Variants in DNAH7 observed in about 807,000 individuals in gnomAD.
The protein encoded by DNAH7 is axonemal beta dynein heavy chain 7.
In DNAH7, 397 loss-of-function variants were observed where a neutral mutation model predicts 444.6. The ratio of observed to expected loss-of-function variants is 0.89; its 90% CI spans 0.82 to 0.97. The LOEUF (loss-of-function observed/expected upper bound fraction) is 0.97, where lower values mean the gene tolerates loss of function less well. Among genes scored for constraint, DNAH7 ranks in the 50% least tolerant of loss-of-function variants. DNAH7 has a pLI of 0.00. For synonymous variants in DNAH7, 1,636 were observed against 1,624.4 expected, an observed-to-expected ratio of 1.01 and a Z score of -0.17; for missense variants, 4,902 against 4,800.8, an observed-to-expected ratio of 1.02 and a Z score of -0.62.
intron 19 of DNAH7, among the ~76,000 whole-genome samples, chr2:195,949,005 T>C (rs1180762757): frequency 6.6e-6 from 1 of 152,154 alleles, no homozygotes; most frequent in Non-Finnish European, 1.5e-5. Flanking sequence ...AAGAGGTCCT[T>C]CACATCCCTT....
intron 21 of DNAH7, among the ~76,000 whole-genome samples, chr2:195,931,945 T>C (rs7576928): frequency 0.16 from 24,259 of 152,178 alleles, 2,378 homozygotes; most frequent in African/African-American, 0.27. Flanking sequence ...AGTAGTTTTT[T>C]CCAATTCTGT....
At chr2:196,012,625 G>A (rs1265951066) in intron 10 of DNAH7, among the ~76,000 whole-genome samples, 162 bp downstream of exon 10, 1 of 151,798 alleles carries the variant, frequency 6.6e-6, no homozygotes, top group Admixed American at 6.6e-5. Flanking sequence ...TAGAACATCT[G>A]GACAAATATT....
rs1199218986 is a variant in DNAH7 at position 195,864,719 on chromosome 2, G to T, written c.6936C>A (p.Asn2312Lys). The change falls in exon 41 of 65, where the codon AAC becomes AAA. Residue 2312 changes from asparagine to lysine, a missense_variant. Coordinates refer to ENST00000312428, the MANE Select transcript of DNAH7 (RefSeq NM_018897.3). The part of the protein sequence containing the change: ...EYNNISKKPM[N>K]LVLFRFAIEH... Reference sequence around the variant, plus strand: ...CTATGGCAAATCGAAACAAGACAAGGTTCATGGGTTTTTTGCTTATATTGT... The same window carrying T: ...CTATGGCAAATCGAAACAAGACAAGTTTCATGGGTTTTTTGCTTATATTGT... 6.2e-7 allele frequency: 1 copy of T among 1,614,152 alleles called. No individual in the cohort carries two copies.
chr2:195,881,525 C>A (rs549805717), intron 36 of DNAH7, among the ~76,000 whole-genome samples: 1 of 152,114 alleles, frequency 6.6e-6, no homozygotes, highest in East Asian at 1.9e-4. Flanking sequence ...ACAAGCAATT[C>A]TTATTAAAAT....
chr2:195,957,454 A>T lies in DNAH7; in HGVS notation c.2892-7T>A. The T allele has an allele frequency of 6.6e-7, 1 of 1,518,658 alleles. No individual in the cohort carries two copies. The highest frequency in any genetic ancestry group is 8.9e-7 in the Non-Finnish European group (1 of 1,121,066). 94.1% of individuals were successfully genotyped at this position (1,518,658 alleles called of 1,614,324 possible). A position where few individuals can be genotyped will look rare whatever the true frequency, so the allele number is the denominator to read the frequency against. On this transcript the variant is annotated splice_region_variant and splice_polypyrimidine_tract_variant and intron_variant, in intron 18 of 64. Transcript: ENST00000312428. ...GAGCTTGCCCTCCCATTCTCTGAGG[A>T]GCAAAACACAGTGGCTCTTACTGAC...
At chr2:195,880,690 T>C (rs1390603360) in intron 36 of DNAH7, among the ~76,000 whole-genome samples, 1 of 152,182 alleles carries the variant, frequency 6.6e-6, no homozygotes, top group Admixed American at 6.5e-5. Flanking sequence ...TTTGAATCAA[T>C]TATCATAAAA....
chr2:195,998,663 T>C (rs566616387), intron 12 of DNAH7: 1 of 153,658 alleles, frequency 6.5e-6, no homozygotes, highest in African/African-American at 2.4e-5. Context: ...ATAAGTTACG[T>C]CAAATCATTC....
chr2:196,019,078 T>G, intron 9 of DNAH7, 92 bp downstream of exon 9: 1 of 1,227,974 alleles, frequency 8.1e-7, no homozygotes, highest in Non-Finnish European at 1.1e-6. Context: ...ATGTTTTACT[T>G]TGCAGTTAAA....
chr2:195,792,394 T>TACACACACACAC (rs59046004), intron 57 of DNAH7, among the ~76,000 whole-genome samples: 95 of 117,330 alleles, frequency 8.1e-4, no homozygotes, highest in Middle Eastern at 4.8e-3. Context: ...AACCAAAAAA[T>TACACACACACAC]ACACACACAC....
rs17363011 is a variant in DNAH7 at position 195,984,729 on chromosome 2, C to T, written c.1755-19G>A. The T allele has an allele frequency of 0.15, 239,012 of 1,607,494 alleles. 19,503 individuals carry two copies. The highest frequency in any genetic ancestry group is 0.23 in the Middle Eastern group (1,382 of 5,916). On this transcript the variant is annotated intron_variant, in intron 14 of 64. Coordinates refer to ENST00000312428, the MANE Select transcript of DNAH7 (RefSeq NM_018897.3). ...GCATAATCTGAAACACCAAGTAAAA[C>T]CAATCTTACATATTTACAGTTCAAT...
At chr2:195,759,457 C>G (rs1326389100) in intron 61 of DNAH7, among the ~76,000 whole-genome samples, 1 of 152,028 alleles carries the variant, frequency 6.6e-6, no homozygotes, top group African/African-American at 2.4e-5. Flanking sequence ...CAGGTGTGAC[C>G]CTGCACGTTT....
intron 2 of DNAH7, among the ~76,000 whole-genome samples, chr2:196,053,970 G>A (rs1003225537): frequency 6.6e-6 from 1 of 152,168 alleles, no homozygotes; most frequent in African/African-American, 2.4e-5. Context: ...ATAGCTATAA[G>A]ATGCAGCGCT....
chr2:195,746,701 A>G (rs1056901935), intron 63 of DNAH7, among the ~76,000 whole-genome samples: 4 of 152,314 alleles, frequency 2.6e-5, no homozygotes, highest in Admixed American at 1.3e-4. Flanking sequence ...CTCACTCAAA[A>G]CCACTCAACT....
At position 195,816,741 on chromosome 2, in the gene DNAH7, A is replaced by G; in HGVS notation, c.9648T>C (p.Ser3216=). Residue 3216 remains serine, a synonymous_variant, in exon 51 of 65, where the codon TCT becomes TCC. Coordinates refer to ENST00000312428, the MANE Select transcript of DNAH7 (RefSeq NM_018897.3). ...GCTCAATGTTGGCTAAATCAGCAAG[A>G]GAAAAAAATAGGATGGAAGAATGGA... ...IAIHSSILFF[S]LADLANIEPM... 8 of 1,614,182 alleles carry G rather than the reference A, an allele frequency of 5.0e-6. No individual in the cohort carries two copies. The highest frequency in any genetic ancestry group is 6.8e-6 in the Non-Finnish European group (8 of 1,180,012).
chr2:195,945,494 T>A (rs1559255823), intron 19 of DNAH7, among the ~76,000 whole-genome samples: 1 of 152,184 alleles, frequency 6.6e-6, no homozygotes, highest in African/African-American at 2.4e-5. Flanking sequence ...CAGAAATAGC[T>A]AAAATGACAG....
rs1693620919 is a variant in DNAH7 at position 195,995,251 on chromosome 2, A to G, written c.1353+5453T>C. 3 of 426,202 alleles carry G rather than the reference A, an allele frequency of 7.0e-6. No homozygotes were observed. In the Admixed American group the frequency reaches 7.7e-5, roughly 11 times the overall value. 26.4% of individuals were successfully genotyped at this position (426,202 alleles called of 1,614,324 possible). On this transcript the variant is annotated intron_variant, in intron 12 of 64. Transcript: ENST00000312428. ...CTATTTTTAGACTTCTTAATGAGGGAGATGCTTTGAATGTTGGTGATATCA... is the reference window on the plus strand; with the variant it reads ...CTATTTTTAGACTTCTTAATGAGGGGGATGCTTTGAATGTTGGTGATATCA...
intron 19 of DNAH7, among the ~76,000 whole-genome samples, chr2:195,956,608 A>G (rs985347766): frequency 2.0e-5 from 3 of 151,672 alleles, no homozygotes; most frequent in Non-Finnish European, 4.4e-5. Flanking sequence ...CCAAGATTGC[A>G]CCACTGCACT....
At chr2:195,791,011 C>A (rs1334317635) in intron 57 of DNAH7, among the ~76,000 whole-genome samples, 1 of 151,954 alleles carries the variant, frequency 6.6e-6, no homozygotes, top group Admixed American at 6.6e-5. Flanking sequence ...AACAAATAAC[C>A]CCATTAAAAT....
intron 40 of DNAH7, among the ~76,000 whole-genome samples, chr2:195,871,645 G>A (rs1326827615): frequency 3.3e-5 from 5 of 150,030 alleles, no homozygotes; most frequent in Non-Finnish European, 7.4e-5. Flanking sequence ...TCCTTAAAAA[G>A]TGTTCCATTT....
Sources: gnomAD v4.1 joint callset for allele counts (sites outside exome capture counted in the v4.1 genomes callset) on GRCh38, gnomAD v4.1.1 for gene constraint, MANE v1.5 for transcripts, NCBI Gene and HGNC (gene_info 2026-07-23, HGNC 2026-07-21) for gene names.